RASAL2: variants seen among roughly 807,000 people sequenced by gnomAD.
RASAL2 encodes the protein ras GTPase-activating protein nGAP.
Under a neutral mutation model 128.9 loss-of-function variants are expected in RASAL2, and 58 were observed. That is an observed-to-expected ratio of 0.45 (90% confidence interval 0.36 to 0.56). The LOEUF (loss-of-function observed/expected upper bound fraction) is 0.56. RASAL2 is among the 20% of genes least tolerant of loss of function. The pLI, the probability that RASAL2 is intolerant of heterozygous loss-of-function variation, is 0.00. For missense variants in RASAL2, 1,360 were observed against 1,601.6 expected (o/e 0.85, Z 2.57); for synonymous variants, 561 against 580.8 (o/e 0.97, Z 0.49).
chr1:178,181,931 G>A (rs902351528), intron 1 of RASAL2, among the ~76,000 whole-genome samples: 2 of 152,096 alleles, frequency 1.3e-5, no homozygotes, highest in East Asian at 3.9e-4. Flanking sequence ...TTGAGATAGT[G>A]TTTGCTAGGT....
intron 1 of RASAL2, among the ~76,000 whole-genome samples, chr1:178,218,952 A>G (rs1210297264): frequency 6.6e-6 from 1 of 152,244 alleles, no homozygotes; most frequent in Non-Finnish European, 1.5e-5. Flanking sequence ...TTTTGTTCCA[A>G]TAGCAGACTG....
At chr1:178,295,193 G>C (rs1445351525) in intron 2 of RASAL2, among the ~76,000 whole-genome samples, 1 of 151,132 alleles carries the variant, frequency 6.6e-6, no homozygotes, top group East Asian at 1.9e-4. Flanking sequence ...TCTCAACTTT[G>C]CATGTCTAGA....
At chr1:178,435,420 T>C (rs1676191789) in intron 5 of RASAL2, among the ~76,000 whole-genome samples, 1 of 152,132 alleles carries the variant, frequency 6.6e-6, no homozygotes, top group South Asian at 2.1e-4. Flanking sequence ...TATGTGAATG[T>C]TGGCTCCCCA....
At chr1:178,391,305 T>A (rs1249623334) in intron 4 of RASAL2, among the ~76,000 whole-genome samples, 1 of 152,180 alleles carries the variant, frequency 6.6e-6, no homozygotes, top group Non-Finnish European at 1.5e-5. Context: ...TATTTCACTA[T>A]TTTTTTAAAA....
At chr1:178,239,159 A>C (rs1664386431) in intron 1 of RASAL2, among the ~76,000 whole-genome samples, 1 of 152,126 alleles carries the variant, frequency 6.6e-6, no homozygotes, top group Non-Finnish European at 1.5e-5. Context: ...AGATTTTGTC[A>C]CCAAAATGTC....
At chr1:178,264,229 C>T (rs529794029) in intron 1 of RASAL2, among the ~76,000 whole-genome samples, 16 of 152,328 alleles carry the variant, frequency 1.1e-4, no homozygotes, top group East Asian at 3.9e-4. Context: ...TATCTCTACC[C>T]GTTGCCTCAG....
intron 3 of RASAL2, among the ~76,000 whole-genome samples, chr1:178,354,518 A>G (rs1670695668): frequency 6.6e-6 from 1 of 152,222 alleles, no homozygotes. Flanking sequence ...TAAGGTCTCA[A>G]TCAATACAAG....
intron 1 of RASAL2, among the ~76,000 whole-genome samples, chr1:178,197,179 C>T (rs1030793707): frequency 1.4e-4 from 21 of 152,042 alleles, no homozygotes; most frequent in African/African-American, 2.9e-4. Flanking sequence ...CAGGTGTGGC[C>T]GGGCGTGGTG....
chr1:178,300,225 T>C (rs1056286641), intron 3 of RASAL2, 107 bp downstream of exon 3: 2 of 1,255,678 alleles, frequency 1.6e-6, no homozygotes, highest in African/African-American at 3.0e-5. Context: ...AGTAAGTGCT[T>C]TGAAATCAAT....
At chr1:178,161,700 T>C (rs768783008) in intron 1 of RASAL2, among the ~76,000 whole-genome samples, 2 of 152,190 alleles carry the variant, frequency 1.3e-5, no homozygotes, top group South Asian at 4.1e-4. Context: ...TCCACCATTT[T>C]ATATTCCCAC....
In RASAL2 at chr1:178,408,734, C is replaced by T. The variant is rs539137761; in HGVS notation, c.565-11777C>T. Among the ~76,000 whole-genome samples the T allele has an allele frequency of 2.9e-4, 44 of 151,450 alleles. No individual in the cohort carries two copies. The South Asian group carries it at 6.5e-3, about 22-fold the overall frequency. On this transcript the variant is annotated intron_variant, in intron 4 of 17. Transcript: ENST00000367649. ...GTATGTGTAGAAGTTACATATAATA[C>T]ATATGGGGAAAATAAGTTATGTTAT...
rs775870976 is a variant in RASAL2, at chr1:178,382,714, C to T, written c.458-7386C>T. Among the ~76,000 whole-genome samples the T allele has an allele frequency of 8.6e-5, 13 of 151,966 alleles. No individual in the cohort carries two copies. The South Asian group carries it at 1.2e-3, about 15-fold the overall frequency. On this transcript the variant is annotated intron_variant, in intron 3 of 17. Transcript: ENST00000367649. The stretch of plus-strand genomic sequence containing the variant: ...ATAATAAGGCATAATACAAGGTTGG[C>T]GCAAAAGTAATTGTGGTTTCACATT...
chr1:178,179,461 C>A (rs988568120), intron 1 of RASAL2, among the ~76,000 whole-genome samples: 1 of 151,918 alleles, frequency 6.6e-6, no homozygotes, highest in Non-Finnish European at 1.5e-5. Flanking sequence ...ACCTCTTCAA[C>A]TTGAGAAGGG....
At chr1:178,463,414 T>C (rs1647314894) in intron 14 of RASAL2, among the ~76,000 whole-genome samples, 1 of 152,222 alleles carries the variant, frequency 6.6e-6, no homozygotes, top group African/African-American at 2.4e-5. Flanking sequence ...CTAACCTCTC[T>C]GTAGCACTCT....
intron 1 of RASAL2, among the ~76,000 whole-genome samples, chr1:178,164,504 T>TGTGC (rs386368829): frequency 2.8e-5 from 4 of 143,112 alleles, no homozygotes; most frequent in African/African-American, 5.3e-5. Flanking sequence ...TGTGTGTGTG[T>TGTGC]GCGTGTGTGT....
intron 5 of RASAL2, among the ~76,000 whole-genome samples, chr1:178,438,774 T>C (rs1676419429): frequency 6.6e-6 from 1 of 151,864 alleles, no homozygotes; most frequent in South Asian, 2.1e-4. Context: ...GCTTATATAG[T>C]AAAGCATGTA....
chr1:178,452,298 C>A, intron 10 of RASAL2, 118 bp from the exon 11 acceptor site: 1 of 841,442 alleles, frequency 1.2e-6, no homozygotes, highest in Non-Finnish European at 1.9e-6. Context: ...GGAATTTCTA[C>A]TAGGTCCTCC....
chr1:178,251,058 A>C (rs1159704530), intron 1 of RASAL2, among the ~76,000 whole-genome samples: 1 of 152,164 alleles, frequency 6.6e-6, no homozygotes, highest in East Asian at 1.9e-4. Flanking sequence ...GTGAGGTCTG[A>C]TAGTTTTTGT....
chr1:178,123,272 A>G (rs1428941277), intron 1 of RASAL2: 1 of 152,224 alleles, frequency 6.6e-6, no homozygotes, highest in East Asian at 1.9e-4. Context: ...AGATGATTAA[A>G]TTATGAGATC....
Sources: gnomAD v4.1 joint callset for allele counts (sites outside exome capture counted in the v4.1 genomes callset) on GRCh38, gnomAD v4.1.1 for gene constraint, MANE v1.5 for transcripts, NCBI Gene and HGNC (gene_info 2026-07-23, HGNC 2026-07-21) for gene names.